The following THEM4 variants were observed in gnomAD, a reference collection of about 807,000 sequenced individuals.
The protein encoded by THEM4 is acyl-coenzyme A thioesterase THEM4.
In THEM4, 22 loss-of-function variants were observed where a neutral mutation model predicts 25.0. The ratio of observed to expected loss-of-function variants is 0.88; its 90% CI spans 0.63 to 1.26. The LOEUF (loss-of-function observed/expected upper bound fraction) is 1.26. Among genes scored for constraint, THEM4 ranks in the 50% most tolerant of loss-of-function variants. The pLI, the probability that THEM4 is intolerant of heterozygous loss-of-function variation, is 0.00. For synonymous variants in THEM4, 113 were observed against 105.6 expected (o/e 1.07, Z -0.43); for missense variants, 286 against 300.3 (o/e 0.95, Z 0.35).
intron 4 of THEM4, among the ~76,000 whole-genome samples, chr1:151,877,700 T>C (rs751272891): frequency 2.0e-5 from 3 of 152,230 alleles, no homozygotes; most frequent in Non-Finnish European, 2.9e-5. Context: ...ATGTGCCTAA[T>C]GAGCACTTGA....
chr1:151,906,994 A>G (rs1297470638), intron 1 of THEM4, among the ~76,000 whole-genome samples: 1 of 151,682 alleles, frequency 6.6e-6, no homozygotes, highest in Non-Finnish European at 1.5e-5. Context: ...CCCCTTCCAC[A>G]CTGTGGAAGC....
At position 151,889,983 on chromosome 1, in the gene THEM4, C is replaced by T. The variant is rs559469798; in HGVS notation, c.287-610G>A. On this transcript the variant is annotated intron_variant, in intron 2 of 5. Coordinates refer to ENST00000368814, the MANE Select transcript of THEM4 (RefSeq NM_053055.5). ...GTGCAATGGCGTGATCTCAGCTCAC[C>T]GCAACCTCCGCCTCCCGGGTTCAAG... The T allele has an allele frequency of 3.5e-4, 74 of 209,738 alleles. 1 individual carries two copies. The Admixed American group carries it at 3.6e-3, about 10-fold the overall frequency. The allele number at this position is 209,738 out of a possible 1,614,324, so 13.0% of individuals were successfully genotyped here. A position where few individuals can be genotyped will look rare whatever the true frequency, so the allele number is the denominator to read the frequency against.
At chr1:151,899,015 A>G (rs1028161009) in intron 1 of THEM4, among the ~76,000 whole-genome samples, 9 of 152,260 alleles carry the variant, frequency 5.9e-5, no homozygotes, top group Non-Finnish European at 1.3e-4. Context: ...CCCAGGTAAT[A>G]TGACAAAACA....
intron 1 of THEM4, among the ~76,000 whole-genome samples, chr1:151,898,088 T>C (rs1452706400): frequency 6.6e-6 from 1 of 152,162 alleles, no homozygotes; most frequent in Non-Finnish European, 1.5e-5. Context: ...AGAAGCTTCC[T>C]GGCCAGAACT....
chr1:151,889,409 A>C (rs775426381), intron 2 of THEM4, 36 bp from the exon 3 acceptor site: 1 of 1,602,654 alleles, frequency 6.2e-7, no homozygotes, highest in South Asian at 1.1e-5. Flanking sequence ...ATGAGAAACA[A>C]GGGTGAGAGA....
At chr1:151,907,517 T>TA (rs1413467139) in intron 1 of THEM4, among the ~76,000 whole-genome samples, 1 of 152,202 alleles carries the variant, frequency 6.6e-6, no homozygotes. Flanking sequence ...CACCCCCTTT[T>TA]AAAAGTGTGT....
In THEM4 at chr1:151,872,287, C is replaced by G. The variant is rs74423822; in HGVS notation, c.*2601G>C. Among the ~76,000 whole-genome samples the G allele has an allele frequency of 0.025, 3,753 of 152,308 alleles. 49 individuals are homozygous for G. Among genetic ancestry groups the G allele is most frequent in the African/African-American group, 0.03 (1,230 of 41,560 alleles). ...TGGAGGGCTCCAGCTGATCTTTTGG[C>G]TGTGGAAGGATGACTGGGTAGGGTA... On this transcript the variant is annotated 3_prime_UTR_variant, in exon 6 of 6. Transcript: ENST00000368814.
At chr1:151,885,062 TTC>T (rs1451098782) in intron 4 of THEM4, among the ~76,000 whole-genome samples, 1 of 151,810 alleles carries the variant, frequency 6.6e-6, no homozygotes, top group Non-Finnish European at 1.5e-5. Context: ...TATCATTGTT[TTC>T]TCTTTTTGTG....
At chr1:151,890,950 G>C (rs1654081209) in intron 2 of THEM4, 1 of 152,166 alleles carries the variant, frequency 6.6e-6, no homozygotes, top group Non-Finnish European at 1.5e-5. Context: ...TTTTACTTAG[G>C]AGTTTGAGAT....
chr1:151,871,549 G>C lies in THEM4; in HGVS notation c.*3339C>G, dbSNP rs1653554520. 6.6e-6 allele frequency among the ~76,000 whole-genome samples: 1 copy of C among 152,162 alleles called. No homozygotes were observed. The highest frequency in any genetic ancestry group is 2.4e-5 in the African/African-American group (1 of 41,428). On this transcript the variant is annotated 3_prime_UTR_variant, in exon 6 of 6. Coordinates refer to ENST00000368814, the MANE Select transcript of THEM4 (RefSeq NM_053055.5). The stretch of plus-strand genomic sequence containing the variant: ...GCAAGAGTGCCAGGGCATGGTGAAG[G>C]CTAGGAATAGTCTGCTGCAAAGCAG...
chr1:151,887,254 C>A (rs1041260310), intron 4 of THEM4, among the ~76,000 whole-genome samples: 2 of 152,074 alleles, frequency 1.3e-5, no homozygotes, highest in African/African-American at 4.8e-5. Flanking sequence ...CAAAGTGAAA[C>A]ACTGTCTCTA....
intron 2 of THEM4, chr1:151,890,717 G>A (rs1654076995): frequency 6.6e-6 from 1 of 152,312 alleles, no homozygotes; most frequent in South Asian, 2.1e-4. Context: ...GGACAGACAA[G>A]GAACCTTAAA....
intron 4 of THEM4, among the ~76,000 whole-genome samples, chr1:151,886,461 T>C (rs1004175484): frequency 8.5e-5 from 13 of 152,228 alleles, no homozygotes; most frequent in African/African-American, 3.1e-4. Context: ...TACTTCATTA[T>C]TCAACTTTAT....
intron 1 of THEM4, among the ~76,000 whole-genome samples, chr1:151,903,105 C>T (rs887848107): frequency 6.6e-6 from 1 of 152,092 alleles, no homozygotes. Flanking sequence ...AACCACTTTG[C>T]CCTTAGCCCA....
chr1:151,900,601 T>C (rs193148751), intron 1 of THEM4, among the ~76,000 whole-genome samples: 95 of 152,282 alleles, frequency 6.2e-4, no homozygotes, highest in African/African-American at 2.2e-3. Flanking sequence ...CATTATACAA[T>C]GGTAAAAGGC....
intron 4 of THEM4, among the ~76,000 whole-genome samples, chr1:151,885,259 C>T (rs1034377243): frequency 1.3e-5 from 2 of 152,132 alleles, no homozygotes; most frequent in Admixed American, 6.5e-5. Flanking sequence ...GCTGGGATTA[C>T]AGGCACGTGC....
chr1:151,881,995 C>G (rs912339702), intron 4 of THEM4, among the ~76,000 whole-genome samples: 1 of 152,058 alleles, frequency 6.6e-6, no homozygotes, highest in Non-Finnish European at 1.5e-5. Context: ...TCTATATTTC[C>G]CATTTCCTTT....
At chr1:151,900,734 G>A (rs1654332372) in intron 1 of THEM4, among the ~76,000 whole-genome samples, 1 of 152,076 alleles carries the variant, frequency 6.6e-6, no homozygotes, top group African/African-American at 2.4e-5. Flanking sequence ...AAATAATAGT[G>A]GGGGACTTCA....
At chr1:151,908,309 A>G (rs948558968) in intron 1 of THEM4, among the ~76,000 whole-genome samples, 2 of 152,214 alleles carry the variant, frequency 1.3e-5, no homozygotes, top group African/African-American at 4.8e-5. Context: ...TGTATGCTCC[A>G]CAGCAAACTT....
Sources: allele counts gnomAD v4.1 joint callset (sites outside exome capture counted in the v4.1 genomes callset), GRCh38; gene constraint gnomAD v4.1.1; transcripts MANE v1.5; gene names NCBI Gene and HGNC (gene_info 2026-07-23, HGNC 2026-07-21).